Variants in JAZF1 observed in about 807,000 individuals in gnomAD.
The protein encoded by JAZF1 is juxtaposed with another zinc finger protein 1.
In JAZF1, 8 loss-of-function variants were observed where a neutral mutation model predicts 26.4. That is an observed-to-expected ratio of 0.30 (90% CI 0.18 to 0.55). The LOEUF (loss-of-function observed/expected upper bound fraction) is 0.55, where lower values mean the gene tolerates loss of function less well. Ranked by LOEUF, JAZF1 falls within the 20% of genes least tolerant of loss-of-function variation. JAZF1 has a pLI of 0.94. For synonymous variants in JAZF1, 126 were observed against 122.3 expected (o/e 1.03, Z -0.20); for missense variants, 199 against 322.0 (o/e 0.62, Z 2.92).
chr7:27,872,790 T>C (rs1448598666), intron 3 of JAZF1, among the ~76,000 whole-genome samples: 2 of 152,140 alleles, frequency 1.3e-5, no homozygotes, highest in African/African-American at 4.8e-5. Context: ...TTCAGGCTGC[T>C]TGTAAAAAAG....
At chr7:28,071,667 G>T in intron 1 of JAZF1, 1 of 471,016 alleles carries the variant, frequency 2.1e-6, no homozygotes, top group Non-Finnish European at 4.4e-6. Flanking sequence ...ATCCAGTGAC[G>T]GCACTTACAG....
At chr7:28,066,869 G>A (rs1783892041) in intron 1 of JAZF1, among the ~76,000 whole-genome samples, 2 of 151,994 alleles carry the variant, frequency 1.3e-5, no homozygotes. Flanking sequence ...AAGATGAATG[G>A]TCTTTTTAAG....
intron 1 of JAZF1, among the ~76,000 whole-genome samples, chr7:28,110,530 AGGAAAGGAAAAG>A (rs1784637050): frequency 1.8e-5 from 1 of 55,832 alleles, no homozygotes; most frequent in Non-Finnish European, 3.7e-5. Flanking sequence ...GAAAAGGAAA[AGGAAAGGAAAAG>A]GAAAAGGAAA....
At chr7:28,176,457 C>A (rs963667864) in intron 1 of JAZF1, among the ~76,000 whole-genome samples, 2 of 152,152 alleles carry the variant, frequency 1.3e-5, no homozygotes, top group Non-Finnish European at 2.9e-5. Context: ...TCAGCAAGGC[C>A]CACCCTGACC....
intron 3 of JAZF1, chr7:27,844,277 G>T (rs1057459821): frequency 2.0e-5 from 3 of 152,238 alleles, no homozygotes; most frequent in African/African-American, 7.2e-5. Flanking sequence ...AGTCACCAAA[G>T]CCCCTGGGCC....
intron 1 of JAZF1, among the ~76,000 whole-genome samples, chr7:28,064,558 T>C (rs1430094960): frequency 6.6e-6 from 1 of 152,192 alleles, no homozygotes; most frequent in Non-Finnish European, 1.5e-5. Context: ...AATATCAATA[T>C]AATGACAGTT....
chr7:28,111,828 A>T (rs1784665641), intron 1 of JAZF1, among the ~76,000 whole-genome samples: 1 of 152,202 alleles, frequency 6.6e-6, no homozygotes, highest in Non-Finnish European at 1.5e-5. Context: ...CAGCAGGAGA[A>T]GTAGGGTGGC....
chr7:27,955,080 C>T (rs1411407859), intron 2 of JAZF1, among the ~76,000 whole-genome samples: 1 of 152,196 alleles, frequency 6.6e-6, no homozygotes, highest in Non-Finnish European at 1.5e-5. Flanking sequence ...TAATTGACGT[C>T]TTCCAACTAA....
intron 1 of JAZF1, among the ~76,000 whole-genome samples, chr7:28,010,660 T>G (rs1250644595): frequency 1.3e-5 from 2 of 152,228 alleles, no homozygotes; most frequent in Non-Finnish European, 2.9e-5. Flanking sequence ...TAGTCAGGTA[T>G]ATTAAAAAGA....
chr7:28,001,266 C>T (rs1035218008), intron 1 of JAZF1, among the ~76,000 whole-genome samples: 2 of 151,930 alleles, frequency 1.3e-5, no homozygotes, highest in African/African-American at 4.8e-5. Flanking sequence ...ATATGAGAAT[C>T]GTTTGAACAC....
At chr7:28,048,987 C>CCTTCCTTCT (rs1783542385) in intron 1 of JAZF1, among the ~76,000 whole-genome samples, 1 of 142,322 alleles carries the variant, frequency 7.0e-6, no homozygotes, top group African/African-American at 2.6e-5. Context: ...CCCTTCCTTC[C>CCTTCCTTCT]CTTCCTTCCT....
At position 27,953,675 on chromosome 7, in the gene JAZF1, A is replaced by G. The variant is rs919273284; in HGVS notation, c.188+38234T>C. Among the ~76,000 whole-genome samples, 8 of 152,348 alleles carry G rather than the reference A, an allele frequency of 5.3e-5. No individual in the cohort carries two copies. The East Asian group carries it at 1.5e-3, about 29-fold the overall frequency. On this transcript the variant is annotated intron_variant, in intron 2 of 4. Transcript: ENST00000283928. ...ATTCTTTGGGGGTGGAGGGTTATGA[A>G]GGATAAAAAAGACAAATTTAACTTG...
Position 27,914,252 on chromosome 7 carries a change from C to T in JAZF1, c.189-18836G>A, listed in dbSNP as rs191719960. 1.8e-3 allele frequency among the ~76,000 whole-genome samples: 273 copies of T among 152,210 alleles called. 2 individuals are homozygous for T. Among genetic ancestry groups the T allele is most frequent in the Middle Eastern group, 3.4e-3 (1 of 294 alleles). On this transcript the variant is annotated intron_variant, in intron 2 of 4. Coordinates refer to ENST00000283928, the MANE Select transcript of JAZF1 (RefSeq NM_175061.4). Reference sequence around the variant, plus strand: ...CATTTCACAAGTAGTTATGGAGGTACCTGTACGTGGGCTGAGGGGACATGG... The same window carrying T: ...CATTTCACAAGTAGTTATGGAGGTATCTGTACGTGGGCTGAGGGGACATGG...
intron 1 of JAZF1, among the ~76,000 whole-genome samples, chr7:28,054,593 C>T (rs1783668051): frequency 6.6e-6 from 1 of 152,046 alleles, no homozygotes; most frequent in Non-Finnish European, 1.5e-5. Context: ...ATGTTCTGGC[C>T]ACACTAAAGC....
At chr7:27,854,453 C>T (rs1402500945) in intron 3 of JAZF1, among the ~76,000 whole-genome samples, 1 of 152,224 alleles carries the variant, frequency 6.6e-6, no homozygotes, top group East Asian at 1.9e-4. Context: ...GATGTAGCTT[C>T]TTCATAGTAT....
At chr7:28,065,815 C>G (rs1419915764) in intron 1 of JAZF1, among the ~76,000 whole-genome samples, 1 of 152,022 alleles carries the variant, frequency 6.6e-6, no homozygotes, top group African/African-American at 2.4e-5. Flanking sequence ...AACTACAACA[C>G]GTTTTATTTG....
At chr7:27,854,005 A>G (rs1783198905) in intron 3 of JAZF1, among the ~76,000 whole-genome samples, 1 of 152,150 alleles carries the variant, frequency 6.6e-6, no homozygotes, top group South Asian at 2.1e-4. Context: ...GTGGGAGTCT[A>G]AGACTCTTTG....
At chr7:28,093,055 A>G (rs1784328528) in intron 1 of JAZF1, among the ~76,000 whole-genome samples, 1 of 152,270 alleles carries the variant, frequency 6.6e-6, no homozygotes, top group East Asian at 1.9e-4. Context: ...TCTTTTTAAA[A>G]GCATTTTAAA....
intron 1 of JAZF1, among the ~76,000 whole-genome samples, chr7:28,145,782 T>A (rs991815934): frequency 6.6e-6 from 1 of 152,108 alleles, no homozygotes; most frequent in Non-Finnish European, 1.5e-5. Context: ...TCGTACAATC[T>A]CCTTCCCCCA....
Sources: gnomAD v4.1 joint callset for allele counts (sites outside exome capture counted in the v4.1 genomes callset) on GRCh38, gnomAD v4.1.1 for gene constraint, MANE v1.5 for transcripts, NCBI Gene and HGNC (gene_info 2026-07-23, HGNC 2026-07-21) for gene names.